Variants in CLEC2A observed in about 807,000 individuals in gnomAD.
CLEC2A encodes C-type lectin domain family 2 member A.
In CLEC2A, 19 loss-of-function variants were observed where a neutral mutation model predicts 18.6. The observed-to-expected ratio is 1.02, with a 90% CI of 0.71 to 1.50. CLEC2A has a LOEUF of 1.50. Ranked by LOEUF, CLEC2A falls within the 40% of genes most tolerant of loss-of-function variation. The pLI, the probability that CLEC2A is intolerant of heterozygous loss-of-function variation, is 0.00. For synonymous variants in CLEC2A, 74 were observed against 64.0 expected (o/e 1.16, Z -0.75); for missense variants, 190 against 207.9 (o/e 0.91, Z 0.53).
At chr12:9,883,317 C>G in the CLEC2A span, among the ~76,000 whole-genome samples, 1 of 152,152 alleles carries the variant, frequency 6.6e-6, no homozygotes, top group Non-Finnish European at 1.5e-5. Flanking sequence ...AATAGTAGCA[C>G]CAGCAGATTT....
intron 4 of CLEC2A, 45 bp from the exon 5 acceptor site, chr12:9,913,725 G>A (rs1863024017): frequency 5.6e-6 from 7 of 1,252,390 alleles, no homozygotes; most frequent in African/African-American, 3.1e-5. Flanking sequence ...ACTTACGGCT[G>A]TAATCAAAAA....
At chr12:9,888,278 C>A in the CLEC2A span, among the ~76,000 whole-genome samples, 2 of 151,758 alleles carry the variant, frequency 1.3e-5, no homozygotes, top group African/African-American at 2.4e-5. Context: ...ATCACGAGGT[C>A]AGGAGATCGA....
intron 1 of CLEC2A, among the ~76,000 whole-genome samples, chr12:9,926,615 T>C (rs932014619): frequency 3.3e-5 from 5 of 152,104 alleles, no homozygotes; most frequent in African/African-American, 1.2e-4. Flanking sequence ...GAAAGTTTAC[T>C]TAAAAGGTAG....
intron 3 of CLEC2A, among the ~76,000 whole-genome samples, chr12:9,920,389 G>A (rs908150810): frequency 6.6e-6 from 1 of 152,134 alleles, no homozygotes; most frequent in African/African-American, 2.4e-5. Flanking sequence ...TGAAGGCCCC[G>A]GTGGAGTTGG....
chr12:9,931,602 T>C (rs1427939776), intron 1 of CLEC2A, among the ~76,000 whole-genome samples: 1 of 152,206 alleles, frequency 6.6e-6, no homozygotes, highest in African/African-American at 2.4e-5. Context: ...TTATCCCAAT[T>C]GCCCTGGGAA....
chr12:9,888,008 A>G, the CLEC2A span, among the ~76,000 whole-genome samples: 14 of 139,010 alleles, frequency 1.0e-4, no homozygotes, highest in Admixed American at 3.0e-4. Flanking sequence ...GTGAGCCATG[A>G]TGGCCCACTG....
intron 2 of CLEC2A, among the ~76,000 whole-genome samples, chr12:9,923,734 A>G (rs530894705): frequency 6.6e-6 from 1 of 152,320 alleles, no homozygotes; most frequent in East Asian, 1.9e-4. Context: ...TACACCATGG[A>G]ATACTATGCA....
At chr12:9,924,692 C>A (rs1863238256) in intron 2 of CLEC2A, among the ~76,000 whole-genome samples, 2 of 152,088 alleles carry the variant, frequency 1.3e-5, no homozygotes, top group South Asian at 4.2e-4. Context: ...GACAGTCTTG[C>A]AAAAGGTCAC....
At chr12:9,915,480 A>C (rs1335068232) in intron 4 of CLEC2A, among the ~76,000 whole-genome samples, 2 of 152,092 alleles carry the variant, frequency 1.3e-5, no homozygotes, top group East Asian at 3.9e-4. Flanking sequence ...AGACTGGTTA[A>C]AAAAAAATGT....
downstream of CLEC2A, among the ~76,000 whole-genome samples, chr12:9,896,613 T>A (rs1253288679): frequency 6.6e-6 from 1 of 152,192 alleles, no homozygotes; most frequent in African/African-American, 2.4e-5. Flanking sequence ...ATGAAAAAAC[T>A]ACAATAACTT....
At position 9,916,754 on chromosome 12, in the gene CLEC2A, CT is replaced by C; in HGVS notation, c.355del (p.Ser119AlafsTer23). The C allele has an allele frequency of 1.9e-6, 3 of 1,551,494 alleles. No homozygotes were observed. Among genetic ancestry groups the C allele is most frequent in the Non-Finnish European group, 8.7e-7 (1 of 1,146,718 alleles). Reference sequence around the variant, plus strand: ...TTTCCAAGAATCTCCTTGTTTCCTGCTTAGTCCAATCCAGTGCATATCAGTT... The same window carrying C: ...TTTCCAAGAATCTCCTTGTTTCCTGCTAGTCCAATCCAGTGCATATCAGTT... ...AGTDMHWIGL[S>X]RKQGDSWKWT... On this transcript the variant is annotated frameshift_variant, in exon 4 of 5. Transcript: ENST00000455827. LOFTEE classifies it high-confidence loss of function.
chr12:9,896,945 C>T (rs562570412), downstream of CLEC2A, among the ~76,000 whole-genome samples: 7 of 151,524 alleles, frequency 4.6e-5, no homozygotes, highest in Non-Finnish European at 8.8e-5. Context: ...CTGCAACCTC[C>T]GCCTCCCAGG....
chr12:9,884,942 C>T, the CLEC2A span: 1 of 1,182,634 alleles, frequency 8.5e-7, no homozygotes, highest in Non-Finnish European at 1.1e-6. Context: ...AGATTTCTCC[C>T]TATATCCACA....
intron 1 of CLEC2A, among the ~76,000 whole-genome samples, chr12:9,929,960 T>A (rs904902911): frequency 2.0e-5 from 3 of 152,198 alleles, no homozygotes; most frequent in Non-Finnish European, 4.4e-5. Flanking sequence ...CTTCTTTTTT[T>A]AATATTTATA....
intron 2 of CLEC2A, among the ~76,000 whole-genome samples, chr12:9,925,684 T>C (rs1863258274): frequency 6.6e-6 from 1 of 152,114 alleles, no homozygotes; most frequent in Non-Finnish European, 1.5e-5. Flanking sequence ...TAGAAATTGA[T>C]CCTCCTAGTT....
At chr12:9,919,856 A>C (rs1863136034) in intron 3 of CLEC2A, among the ~76,000 whole-genome samples, 2 of 152,196 alleles carry the variant, frequency 1.3e-5, no homozygotes, top group South Asian at 4.2e-4. Context: ...TACCGGCCCA[A>C]GAACACCTGT....
downstream of CLEC2A, among the ~76,000 whole-genome samples, chr12:9,910,754 G>A (rs1379240223): frequency 6.6e-6 from 1 of 152,138 alleles, no homozygotes; most frequent in Non-Finnish European, 1.5e-5. Flanking sequence ...TTCCACCCAC[G>A]TTGCTGAGAG....
intron 4 of CLEC2A, among the ~76,000 whole-genome samples, chr12:9,902,484 C>T (rs192956400): frequency 1.5e-3 from 230 of 152,094 alleles, no homozygotes; most frequent in African/African-American, 5.4e-3. Context: ...CCACCCACCT[C>T]GGCCTCCCAA....
At chr12:9,912,343 A>C (rs925695360), downstream of CLEC2A, among the ~76,000 whole-genome samples, 6 of 152,116 alleles carry the variant, frequency 3.9e-5, no homozygotes, top group African/African-American at 1.2e-4. Context: ...GAGGGGAGGC[A>C]GAGTGAGGAG....
Sources: allele counts gnomAD v4.1 joint callset (sites outside exome capture counted in the v4.1 genomes callset), GRCh38; gene constraint gnomAD v4.1.1; transcripts MANE v1.5; gene names NCBI Gene and HGNC (gene_info 2026-07-23, HGNC 2026-07-21).